Variants in MECOM observed in about 807,000 individuals in gnomAD.
MECOM encodes histone-lysine N-methyltransferase MECOM.
A neutral mutation model predicts 116.3 loss-of-function variants in MECOM; 13 were observed. The observed-to-expected ratio is 0.11, with a 90% CI of 0.07 to 0.18. The LOEUF (loss-of-function observed/expected upper bound fraction) is 0.18, where lower values mean the gene tolerates loss of function less well. Among genes scored for constraint, MECOM ranks in the 10% least tolerant of loss-of-function variants. The pLI is 1.00. For synonymous variants in MECOM, 528 were observed against 535.2 expected, an observed-to-expected ratio of 0.99 and a Z score of 0.19; for missense variants, 1,299 against 1,509.0, an observed-to-expected ratio of 0.86 and a Z score of 2.31.
intron 1 of MECOM, among the ~76,000 whole-genome samples, chr3:169,496,375 G>T (rs1021425692): frequency 6.6e-6 from 1 of 152,206 alleles, no homozygotes; most frequent in Non-Finnish European, 1.5e-5. Context: ...AACCCTTGTG[G>T]TGTTTGTAAC....
At chr3:169,530,961 A>G (rs1383370054) in intron 1 of MECOM, among the ~76,000 whole-genome samples, 1 of 152,122 alleles carries the variant, frequency 6.6e-6, no homozygotes, top group Non-Finnish European at 1.5e-5. Context: ...AAGATGTAGA[A>G]TTTCGCCATG....
At chr3:169,131,970 G>C (rs751829352) in intron 3 of MECOM, 6 of 993,746 alleles carry the variant, frequency 6.0e-6, no homozygotes, top group Non-Finnish European at 7.2e-6. Flanking sequence ...GTTTGCAAAA[G>C]TAGCGCCTTC....
intron 1 of MECOM, among the ~76,000 whole-genome samples, chr3:169,521,775 T>C (rs1757375479): frequency 6.6e-6 from 1 of 152,226 alleles, no homozygotes. Flanking sequence ...AGCACCTTAA[T>C]GCAGTCGGCT....
At chr3:169,388,717 C>T (rs1733771533) in intron 1 of MECOM, among the ~76,000 whole-genome samples, 2 of 152,102 alleles carry the variant, frequency 1.3e-5, no homozygotes, top group African/African-American at 4.8e-5. Context: ...TGTTTGGACA[C>T]TGGACTGAAT....
At chr3:169,325,671 G>C (rs2149761752) in intron 2 of MECOM, among the ~76,000 whole-genome samples, 1 of 152,256 alleles carries the variant, frequency 6.6e-6, no homozygotes, top group East Asian at 1.9e-4. Flanking sequence ...ACGTCTGAAT[G>C]GCCTTTATTT....
At chr3:169,323,008 A>T (rs1319358216) in intron 2 of MECOM, among the ~76,000 whole-genome samples, 9 of 145,282 alleles carry the variant, frequency 6.2e-5, no homozygotes, top group Admixed American at 1.4e-4. Context: ...AAAAAAAAAA[A>T]AAAAAAAAAA....
intron 1 of MECOM, among the ~76,000 whole-genome samples, chr3:169,636,464 T>C (rs1227973738): frequency 6.6e-6 from 1 of 152,234 alleles, no homozygotes; most frequent in South Asian, 2.1e-4. Flanking sequence ...ATGGGGAAGA[T>C]TCACAATTCA....
At chr3:169,525,230 A>G (rs1216155369) in intron 1 of MECOM, among the ~76,000 whole-genome samples, 1 of 152,228 alleles carries the variant, frequency 6.6e-6, no homozygotes, top group Non-Finnish European at 1.5e-5. Flanking sequence ...AAACTGCTCC[A>G]GAGCGGTGGC....
chr3:169,482,424 C>CG (rs1322506097), intron 1 of MECOM, among the ~76,000 whole-genome samples: 2 of 150,388 alleles, frequency 1.3e-5, no homozygotes, highest in Non-Finnish European at 2.9e-5. Context: ...CTCCACCTTC[C>CG]GGGTTCAAGC....
intron 1 of MECOM, among the ~76,000 whole-genome samples, chr3:169,403,614 T>G (rs1046687172): frequency 1.3e-5 from 2 of 152,260 alleles, no homozygotes; most frequent in Non-Finnish European, 2.9e-5. Context: ...ATTTATTTTA[T>G]GGACTTATTT....
chr3:169,547,268 C>T (rs1760836114), intron 1 of MECOM, among the ~76,000 whole-genome samples: 1 of 152,182 alleles, frequency 6.6e-6, no homozygotes, highest in African/African-American at 2.4e-5. Context: ...GTAAGATGTG[C>T]TTGCTTCCTC....
At chr3:169,445,765 C>T (rs963238868) in intron 1 of MECOM, among the ~76,000 whole-genome samples, 16 of 152,208 alleles carry the variant, frequency 1.1e-4, no homozygotes, top group African/African-American at 2.7e-4. Context: ...AAGAGAGAGG[C>T]TCTACCCTGC....
intron 1 of MECOM, among the ~76,000 whole-genome samples, chr3:169,485,924 G>GTATATATGTA (rs1226430657): frequency 0.47 from 50,779 of 106,974 alleles, 12,870 homozygotes; most frequent in East Asian, 0.57. Flanking sequence ...TGTATATATA[G>GTATATATGTA]TATATATAGT....
intron 1 of MECOM, among the ~76,000 whole-genome samples, chr3:169,550,693 A>G (rs1167896725): frequency 2.0e-5 from 3 of 152,244 alleles, no homozygotes; most frequent in Non-Finnish European, 4.4e-5. Context: ...ACAGCTCACA[A>G]AATTTTATGA....
At chr3:169,346,159 G>A (rs1407182927) in intron 2 of MECOM, among the ~76,000 whole-genome samples, 1 of 151,328 alleles carries the variant, frequency 6.6e-6, no homozygotes, top group Non-Finnish European at 1.5e-5. Context: ...TTTAGGGAAG[G>A]AAAAAAAACA....
chr3:169,567,686 G>A (rs1232902475), intron 1 of MECOM, among the ~76,000 whole-genome samples: 1 of 152,100 alleles, frequency 6.6e-6, no homozygotes. Context: ...TCCAGCCCAG[G>A]GCTCTTTCCT....
chr3:169,455,271 C>A (rs1379511299), intron 1 of MECOM, among the ~76,000 whole-genome samples: 1 of 152,160 alleles, frequency 6.6e-6, no homozygotes, highest in African/African-American at 2.4e-5. Context: ...ACCCTCAATT[C>A]TTTTCTGCAA....
At chr3:169,106,839 G>C (rs1466294329) in intron 10 of MECOM, among the ~76,000 whole-genome samples, 1 of 152,072 alleles carries the variant, frequency 6.6e-6, no homozygotes, top group Non-Finnish European at 1.5e-5. Context: ...ATGTAGGCCA[G>C]GATAATCAGA....
chr3:169,133,193 A>C (rs2149219927), intron 3 of MECOM, among the ~76,000 whole-genome samples: 1 of 152,306 alleles, frequency 6.6e-6, no homozygotes, highest in African/African-American at 2.4e-5. Context: ...TATTCTTAGA[A>C]GATATTACTG....
Sources: gnomAD v4.1 joint callset for allele counts (sites outside exome capture counted in the v4.1 genomes callset) on GRCh38, gnomAD v4.1.1 for gene constraint, MANE v1.5 for transcripts, NCBI Gene and HGNC (gene_info 2026-07-23, HGNC 2026-07-21) for gene names.